The following ABCA13 variants were observed in gnomAD, a reference collection of about 807,000 sequenced individuals.
ABCA13 encodes ATP binding cassette subfamily A member 13, also known as ATP-binding cassette sub-family A member 13.
A neutral mutation model predicts 478.7 loss-of-function variants in ABCA13; 476 were observed. The ratio of observed to expected loss-of-function variants is 0.99; its 90% confidence interval spans 0.92 to 1.07. The LOEUF (loss-of-function observed/expected upper bound fraction) is 1.07, where lower values mean the gene tolerates loss of function less well. ABCA13 is among the 50% of genes least tolerant of loss of function. The pLI is 0.00. For synonymous variants in ABCA13, 2,252 were observed against 2,158.9 expected (o/e 1.04, Z -1.20); for missense variants, 6,060 against 5,910.6 (o/e 1.03, Z -0.83).
rs191819503 is a variant in ABCA13, at chr7:48,331,638, C to T, written c.10000-3784C>T. Among the ~76,000 whole-genome samples the T allele has an allele frequency of 2.0e-5, 3 of 152,290 alleles. No individual in the cohort carries two copies. In the East Asian group the frequency reaches 5.8e-4, roughly 29 times the overall value. ...AAAAACATGGAAAGATCGGTGTACC[C>T]TTCACTGGGTTTCCTAATGGTAACA... On this transcript the variant is annotated intron_variant, in intron 27 of 61. Transcript: ENST00000435803.
intron 59 of ABCA13, among the ~76,000 whole-genome samples, chr7:48,621,646 T>C (rs1793146953): frequency 6.6e-6 from 1 of 152,232 alleles, no homozygotes; most frequent in African/African-American, 2.4e-5. Flanking sequence ...TTAAATTATT[T>C]TTTTGATACT....
At chr7:48,473,801 T>G (rs13226837) in intron 45 of ABCA13, among the ~76,000 whole-genome samples, 5,329 of 152,170 alleles carry the variant, frequency 0.035, 142 homozygotes, top group South Asian at 0.13. Flanking sequence ...AGATAAAAAG[T>G]TTTTTTGTTT....
intron 43 of ABCA13, among the ~76,000 whole-genome samples, chr7:48,466,546 C>A (rs923161500): frequency 1.1e-4 from 16 of 152,124 alleles, no homozygotes; most frequent in Admixed American, 3.9e-4. Flanking sequence ...AATATTCAGA[C>A]CAAACTGGAG....
At chr7:48,636,720 T>C (rs1794668849) in intron 59 of ABCA13, among the ~76,000 whole-genome samples, 1 of 152,154 alleles carries the variant, frequency 6.6e-6, no homozygotes, top group Non-Finnish European at 1.5e-5. Context: ...AGAGAAGTAA[T>C]TGTGAATCCC....
chr7:48,267,786 A>C (rs1368243306), intron 15 of ABCA13, among the ~76,000 whole-genome samples: 3 of 152,004 alleles, frequency 2.0e-5, no homozygotes, highest in South Asian at 2.1e-4. Flanking sequence ...TGATTGATTA[A>C]TTTTTCTCTT....
At chr7:48,429,690 A>G (rs1251475790) in intron 42 of ABCA13, among the ~76,000 whole-genome samples, 1 of 152,218 alleles carries the variant, frequency 6.6e-6, no homozygotes, top group Non-Finnish European at 1.5e-5. Flanking sequence ...GTGGAATGGT[A>G]ACTAGGTTTT....
At chr7:48,510,920 A>G (rs903837061) in intron 50 of ABCA13, among the ~76,000 whole-genome samples, 164 bp from the exon 51 acceptor site, 2 of 152,206 alleles carry the variant, frequency 1.3e-5, no homozygotes, top group Admixed American at 1.3e-4. Context: ...AACTCAGATT[A>G]AAACAAGCGA....
At chr7:48,290,940 G>GAAAAAA (rs57470116) in intron 20 of ABCA13, among the ~76,000 whole-genome samples, 5 of 48,788 alleles carry the variant, frequency 1.0e-4, no homozygotes, top group Non-Finnish European at 2.4e-4. Flanking sequence ...CACACTCAGG[G>GAAAAAA]AAAAAAAAAA....
intron 53 of ABCA13, 87 bp downstream of exon 53, chr7:48,520,381 A>C: frequency 7.1e-7 from 1 of 1,413,490 alleles, no homozygotes; most frequent in South Asian, 1.5e-5. Context: ...GTTGTAAAAT[A>C]AAAATTATAT....
At position 48,240,908 on chromosome 7, in the gene ABCA13, A is replaced by G. The variant is rs1790730982; in HGVS notation, c.1104A>G (p.Thr368=). Residue 368 remains threonine, a synonymous_variant, in exon 10 of 62, where the codon ACA becomes ACG. Transcript: ENST00000435803. ...AACAGGGTAGCCTGCTTCAGAAGACACTCACAGGCATGGGCCATAGTCTGG... is the reference window on the plus strand; with the variant it reads ...AACAGGGTAGCCTGCTTCAGAAGACGCTCACAGGCATGGGCCATAGTCTGG... The part of the protein sequence containing the change: ...QWQQGSLLQK[T]LTGMGHSLEA... 2 of 1,601,596 alleles carry G rather than the reference A, an allele frequency of 1.2e-6. No individual in the cohort carries two copies. The highest frequency in any genetic ancestry group is 1.7e-4 in the Middle Eastern group (1 of 5,984).
At chr7:48,570,089 C>A (rs1327137882) in intron 55 of ABCA13, among the ~76,000 whole-genome samples, 1 of 151,934 alleles carries the variant, frequency 6.6e-6, no homozygotes, top group Non-Finnish European at 1.5e-5. Context: ...TTGTCTATTT[C>A]TCCCTTTAAT....
chr7:48,471,240 C>G (rs17631101), intron 44 of ABCA13, among the ~76,000 whole-genome samples: 1 of 152,206 alleles, frequency 6.6e-6, no homozygotes, highest in South Asian at 2.1e-4. Flanking sequence ...TCAGTTTCCA[C>G]CAGGAGCCCC....
At chr7:48,441,582 C>A (rs527475097) in intron 42 of ABCA13, among the ~76,000 whole-genome samples, 1 of 152,242 alleles carries the variant, frequency 6.6e-6, no homozygotes, top group Admixed American at 6.5e-5. Flanking sequence ...TTATGAAGAC[C>A]GATGCCTGCA....
At chr7:48,339,755 G>A (rs1806833291) in intron 29 of ABCA13, among the ~76,000 whole-genome samples, 1 of 152,190 alleles carries the variant, frequency 6.6e-6, no homozygotes, top group Non-Finnish European at 1.5e-5. Context: ...GCTTCCGCCT[G>A]ACGCTAGAGA....
chr7:48,588,015 AG>A (rs1364704844), intron 57 of ABCA13, among the ~76,000 whole-genome samples: 1 of 152,222 alleles, frequency 6.6e-6, no homozygotes, highest in Non-Finnish European at 1.5e-5. Context: ...AGAGAGTCTG[AG>A]GGGTGTCAAA....
intron 55 of ABCA13, among the ~76,000 whole-genome samples, chr7:48,554,378 G>T (rs574837729): frequency 1.2e-3 from 175 of 152,074 alleles, no homozygotes; most frequent in African/African-American, 4.0e-3. Flanking sequence ...TTGGTATTTT[G>T]ATAGGGATTG....
chr7:48,437,823 T>G (rs1187704764), intron 42 of ABCA13, among the ~76,000 whole-genome samples: 1 of 152,088 alleles, frequency 6.6e-6, no homozygotes, highest in Non-Finnish European at 1.5e-5. Flanking sequence ...ATAGTTATTT[T>G]CTGGGCATGT....
chr7:48,460,811 G>A (rs1826164133), intron 43 of ABCA13, among the ~76,000 whole-genome samples: 1 of 152,210 alleles, frequency 6.6e-6, no homozygotes, highest in South Asian at 2.1e-4. Context: ...ACTGAAGACT[G>A]ACAGTGATTG....
chr7:48,505,560 G>T (rs572438705), intron 48 of ABCA13, among the ~76,000 whole-genome samples: 1 of 152,260 alleles, frequency 6.6e-6, no homozygotes, highest in South Asian at 2.1e-4. Flanking sequence ...TGTGCCTTTG[G>T]TAATGGCCTC....
Sources: allele counts gnomAD v4.1 joint callset (sites outside exome capture counted in the v4.1 genomes callset), GRCh38; gene constraint gnomAD v4.1.1; transcripts MANE v1.5; gene names NCBI Gene and HGNC (gene_info 2026-07-23, HGNC 2026-07-21).